PACS1: variants seen among roughly 807,000 people sequenced by gnomAD.
The protein encoded by PACS1 is PACS-1.
Under a neutral mutation model 115.0 loss-of-function variants are expected in PACS1, and 24 were observed. That is an observed-to-expected ratio of 0.21 (90% CI 0.15 to 0.29). PACS1 has a LOEUF of 0.29. PACS1 is among the 10% of genes least tolerant of loss of function. The pLI, the probability that PACS1 is intolerant of heterozygous loss-of-function variation, is 1.00. For synonymous variants in PACS1, 453 were observed against 504.5 expected, an observed-to-expected ratio of 0.90 and a Z score of 1.37; for missense variants, 838 against 1,251.2, an observed-to-expected ratio of 0.67 and a Z score of 4.98.
intron 1 of PACS1, among the ~76,000 whole-genome samples, chr11:66,119,756 G>C (rs531101489): frequency 6.6e-6 from 1 of 152,318 alleles, no homozygotes; most frequent in South Asian, 2.1e-4. Flanking sequence ...AATGATTATA[G>C]AACATGCTTG....
At chr11:66,091,516 T>C (rs1857666320) in intron 1 of PACS1, among the ~76,000 whole-genome samples, 1 of 150,838 alleles carries the variant, frequency 6.6e-6, no homozygotes. Context: ...TTTTTTCTTT[T>C]TTTTTTCTTT....
intron 2 of PACS1, among the ~76,000 whole-genome samples, chr11:66,202,742 A>AAAAAAAATATATATAT (rs1200930188): frequency 1.4e-5 from 1 of 71,606 alleles, no homozygotes; most frequent in African/African-American, 7.9e-5. Flanking sequence ...AAAAAAAAAA[A>AAAAAAAATATATATAT]ATATATATAT....
chr11:66,199,908 A>C (rs994022060), intron 2 of PACS1, among the ~76,000 whole-genome samples: 13 of 152,012 alleles, frequency 8.6e-5, no homozygotes, highest in African/African-American at 3.1e-4. Context: ...AATCCCAGCT[A>C]CTCGGGAGGC....
chr11:66,101,143 A>G (rs1857908305), intron 1 of PACS1, among the ~76,000 whole-genome samples: 1 of 152,220 alleles, frequency 6.6e-6, no homozygotes, highest in South Asian at 2.1e-4. Flanking sequence ...GAAGAATGGA[A>G]GATTCATTTG....
chr11:66,121,628 C>T (rs78666304), intron 1 of PACS1, among the ~76,000 whole-genome samples: 2 of 152,252 alleles, frequency 1.3e-5, no homozygotes, highest in South Asian at 4.1e-4. Context: ...CTCCGGAATG[C>T]TAAGAAAGCA....
chr11:66,116,015 A>C (rs759335931), intron 1 of PACS1, among the ~76,000 whole-genome samples: 2 of 152,248 alleles, frequency 1.3e-5, no homozygotes, highest in Non-Finnish European at 2.9e-5. Flanking sequence ...TTTGAAAAGA[A>C]AGCCATTTCC....
chr11:66,229,986 G>A (rs72936674), intron 11 of PACS1, among the ~76,000 whole-genome samples: 6,549 of 151,928 alleles, frequency 0.043, 188 homozygotes, highest in Non-Finnish European at 0.065. Context: ...CTGAGGAAAG[G>A]CAAAGGCCTG....
At chr11:66,173,457 T>C (rs1590796424) in intron 1 of PACS1, among the ~76,000 whole-genome samples, 1 of 151,582 alleles carries the variant, frequency 6.6e-6, no homozygotes, top group East Asian at 1.9e-4. Flanking sequence ...CCTGTAATCC[T>C]AGCACTTTGG....
At chr11:66,187,713 G>A (rs75477369) in intron 1 of PACS1, among the ~76,000 whole-genome samples, 3,169 of 152,122 alleles carry the variant, frequency 0.021, 129 homozygotes, top group African/African-American at 0.071. Context: ...CTCTGTTGTC[G>A]GACCCCTAGG....
chr11:66,120,179 G>A (rs1028058019), intron 1 of PACS1, among the ~76,000 whole-genome samples: 1 of 128,308 alleles, frequency 7.8e-6, no homozygotes, highest in African/African-American at 3.0e-5. Flanking sequence ...ACAGAGTCTC[G>A]CTCTGTTGCC....
intron 1 of PACS1, among the ~76,000 whole-genome samples, chr11:66,145,782 GT>G (rs1297750040): frequency 6.6e-6 from 1 of 152,204 alleles, no homozygotes; most frequent in Non-Finnish European, 1.5e-5. Context: ...TGGAAGCCTA[GT>G]AGGCTCAAGA....
At chr11:66,083,536 A>G (rs776092120) in intron 1 of PACS1, among the ~76,000 whole-genome samples, 2 of 152,294 alleles carry the variant, frequency 1.3e-5, no homozygotes, top group East Asian at 1.9e-4. Context: ...CAAATCTAAG[A>G]TCTGGCAGAA....
At chr11:66,163,758 G>C (rs1389576959) in intron 1 of PACS1, among the ~76,000 whole-genome samples, 1 of 152,120 alleles carries the variant, frequency 6.6e-6, no homozygotes, top group Non-Finnish European at 1.5e-5. Context: ...GAGTGCAGCT[G>C]TTTGTTTCTA....
intron 1 of PACS1, among the ~76,000 whole-genome samples, chr11:66,119,288 T>C (rs146215690): frequency 3.9e-4 from 59 of 152,368 alleles, no homozygotes; most frequent in African/African-American, 1.1e-3. Context: ...GTGAAAATTA[T>C]ATGAAATTCA....
chr11:66,200,343 G>T (rs761916423), intron 2 of PACS1, among the ~76,000 whole-genome samples: 4 of 152,022 alleles, frequency 2.6e-5, no homozygotes, highest in Non-Finnish European at 5.9e-5. Context: ...AGAGTGAGAC[G>T]CTGTCTCAGA....
chr11:66,229,982 A>G (rs1242413412), intron 11 of PACS1, among the ~76,000 whole-genome samples: 1 of 151,228 alleles, frequency 6.6e-6, no homozygotes, highest in Non-Finnish European at 1.5e-5. Context: ...TGATCTGAGG[A>G]AAGGCAAAGG....
intron 2 of PACS1, among the ~76,000 whole-genome samples, chr11:66,196,668 G>A (rs1271575505): frequency 6.6e-6 from 1 of 152,034 alleles, no homozygotes; most frequent in Non-Finnish European, 1.5e-5. Flanking sequence ...CGTGATCTCG[G>A]CTCACTGCAA....
chr11:66,241,691 C>T lies in PACS1; in HGVS notation c.2656+38C>T, dbSNP rs747031197. The T allele has an allele frequency of 2.6e-6, 4 of 1,524,592 alleles. No individual in the cohort carries two copies. The South Asian group carries it at 3.4e-5, about 13-fold the overall frequency. 94.4% of individuals were successfully genotyped at this position (1,524,592 alleles called of 1,614,324 possible). A position where few individuals can be genotyped will look rare whatever the true frequency, so the allele number is the denominator to read the frequency against. ...AAGGCCGGGGAAGACCATGGGCCAC[C>T]AGGCCTCCCGTCTCGTCTCTCAGGG... On this transcript the variant is annotated intron_variant, in intron 22 of 23. Transcript: ENST00000320580.
chr11:66,118,166 A>G (rs1858348996), intron 1 of PACS1, among the ~76,000 whole-genome samples: 1 of 152,232 alleles, frequency 6.6e-6, no homozygotes, highest in South Asian at 2.1e-4. Context: ...GAATAGACTA[A>G]GGGGTTGGTG....
Sources: allele counts gnomAD v4.1 joint callset (sites outside exome capture counted in the v4.1 genomes callset), GRCh38; gene constraint gnomAD v4.1.1; transcripts MANE v1.5; gene names NCBI Gene and HGNC (gene_info 2026-07-23, HGNC 2026-07-21).